The following GASK1A variants were observed in gnomAD, a reference collection of about 807,000 sequenced individuals.
The protein encoded by GASK1A is golgi associated kinase 1A, also known as Golgi-associated kinase 1A.
GASK1A carries 40 observed loss-of-function variants against 41.2 expected under a neutral mutation model. The ratio of observed to expected loss-of-function variants is 0.97; its 90% confidence interval spans 0.75 to 1.27. The LOEUF is 1.27. Ranked by LOEUF, GASK1A falls within the 50% of genes most tolerant of loss-of-function variation. The pLI, the probability that GASK1A is intolerant of heterozygous loss-of-function variation, is 0.00. For synonymous variants in GASK1A, 316 were observed against 307.1 expected, an observed-to-expected ratio of 1.03 and a Z score of -0.30; for missense variants, 678 against 745.1, an observed-to-expected ratio of 0.91 and a Z score of 1.05.
At position 42,989,420 on chromosome 3, in the gene GASK1A, A is replaced by G. The variant is rs559931517; in HGVS notation, c.3+9775A>G. Among the ~76,000 whole-genome samples, 59 of 152,212 alleles carry G rather than the reference A, an allele frequency of 3.9e-4. No individual in the cohort carries two copies. In the Middle Eastern group the frequency reaches 0.01, roughly 26 times the overall value. On this transcript the variant is annotated intron_variant, in intron 1 of 4. Transcript: ENST00000430121. Reference sequence around the variant, plus strand: ...TTTCTTTTTGGTGAATGTAGAGTTGAGGTAGGATTCTTAGAAACTTGTTCT... The same window carrying G: ...TTTCTTTTTGGTGAATGTAGAGTTGGGGTAGGATTCTTAGAAACTTGTTCT...
rs1415428575 is a variant in GASK1A, at chr3:42,984,486, G to A, written c.3+4841G>A. 6.6e-6 allele frequency among the ~76,000 whole-genome samples: 1 copy of A among 152,120 alleles called. No homozygotes were observed. The highest frequency in any genetic ancestry group is 2.4e-5 in the African/African-American group (1 of 41,406). On this transcript the variant is annotated intron_variant, in intron 1 of 4. Coordinates refer to ENST00000430121, the MANE Select transcript of GASK1A (RefSeq NM_001129908.3). The surrounding 1 kb of genome is among the most constrained non-coding windows in gnomAD (Gnocchi z 4.2). ...CTGTGGCTCCAGAACTGCCAGCTGA[G>A]TGGAAGATGGAAGGTGCTTTATAAT...
rs1465633356 is a variant in GASK1A, at chr3:43,032,930, G to A, written c.667G>A (p.Ala223Thr). 16 of 1,551,116 alleles carry A rather than the reference G, an allele frequency of 1.0e-5. No individual in the cohort carries two copies. The East Asian group carries it at 3.9e-4, about 38-fold the overall frequency. ...GGQQAEDPTL[A>T]SGAHQWPGSV... is the part of the protein sequence containing the mutation. ...GCAACAAGCAGAGGATCCCACCTTG[G>A]CCTCAGGAGCTCATCAGTGGCCTGG... Residue 223 changes from alanine to threonine, a missense_variant, in exon 2 of 5, where the codon GCC becomes ACC. Physicochemically the swap from Ala to Thr is moderately conservative, Grantham distance 58. Coordinates refer to ENST00000430121, the MANE Select transcript of GASK1A (RefSeq NM_001129908.3).
At chr3:43,033,622 T>C in intron 2 of GASK1A, 69 bp downstream of exon 2, 2 of 1,380,294 alleles carry the variant, frequency 1.4e-6, no homozygotes, top group Non-Finnish European at 1.9e-6. Flanking sequence ...GAGGCCTGAA[T>C]TGCCCACCTG....
At chr3:42,988,634 G>A (rs1370325743) in intron 1 of GASK1A, among the ~76,000 whole-genome samples, 1 of 152,250 alleles carries the variant, frequency 6.6e-6, no homozygotes, top group East Asian at 1.9e-4. Context: ...CCAGGCAGGT[G>A]CCCCTTTCAG....
chr3:42,984,476 T>G lies in GASK1A; in HGVS notation c.3+4831T>G, dbSNP rs186228023. 1.3e-3 allele frequency among the ~76,000 whole-genome samples: 201 copies of G among 152,210 alleles called. No individual in the cohort carries two copies. The highest frequency in any genetic ancestry group is 2.0e-3 in the Non-Finnish European group (137 of 68,010). ...AGAGTCCAGCCTGTGGCTCCAGAACTGCCAGCTGAGTGGAAGATGGAAGGT... is the reference window on the plus strand; with the variant it reads ...AGAGTCCAGCCTGTGGCTCCAGAACGGCCAGCTGAGTGGAAGATGGAAGGT... On this transcript the variant is annotated intron_variant, in intron 1 of 4. Coordinates refer to ENST00000430121, the MANE Select transcript of GASK1A (RefSeq NM_001129908.3). The surrounding 1 kb of genome is among the most constrained non-coding windows in gnomAD (Gnocchi z 4.2).
chr3:42,979,498 A>G lies in GASK1A; in HGVS notation c.-145A>G. 1.2e-6 allele frequency: 1 copy of G among 859,632 alleles called. No homozygotes were observed. The highest frequency in any genetic ancestry group is 1.5e-6 in the Non-Finnish European group (1 of 647,454). The allele number at this position is 859,632 out of a possible 1,614,324, so 53.3% of individuals were successfully genotyped here. On this transcript the variant is annotated 5_prime_UTR_variant, in exon 1 of 5. Transcript: ENST00000430121. ...GGCTGCAGAGAACGTGTGCACCTTC[A>G]GTCCGGGAAACCCGCCCCAGCCGAG...
chr3:42,990,662 G>A (rs962122390), intron 1 of GASK1A, among the ~76,000 whole-genome samples: 1 of 152,220 alleles, frequency 6.6e-6, no homozygotes, highest in South Asian at 2.1e-4. Flanking sequence ...GTCATTGACT[G>A]CATCCCAGGT....
intron 1 of GASK1A, among the ~76,000 whole-genome samples, chr3:43,003,492 CAAAA>C (rs34122767): frequency 5.2e-5 from 5 of 95,516 alleles, no homozygotes; most frequent in Admixed American, 1.1e-4. Flanking sequence ...GAGACTGTCT[CAAAA>C]AAAAAAAAAA....
At chr3:43,009,533 GA>G (rs2089453209) in intron 1 of GASK1A, among the ~76,000 whole-genome samples, 1 of 152,226 alleles carries the variant, frequency 6.6e-6, no homozygotes, top group African/African-American at 2.4e-5. Flanking sequence ...CTGGAGGCCA[GA>G]GTTGGAATCT....
At position 42,999,591 on chromosome 3, in the gene GASK1A, C is replaced by G. The variant is rs186007919; in HGVS notation, c.3+19946C>G. Among the ~76,000 whole-genome samples the G allele has an allele frequency of 3.9e-5, 6 of 152,336 alleles. No individual in the cohort carries two copies. In the East Asian group the frequency reaches 1.2e-3, roughly 29 times the overall value. On this transcript the variant is annotated intron_variant, in intron 1 of 4. Transcript: ENST00000430121. Reference sequence around the variant, plus strand: ...GGCCCCCCTTGTTGCCCAGGGACTCCTACAGTAGAAAGGCATCTTAAAGAG... The same window carrying G: ...GGCCCCCCTTGTTGCCCAGGGACTCGTACAGTAGAAAGGCATCTTAAAGAG...
At chr3:43,028,673 A>G (rs983176670) in intron 1 of GASK1A, among the ~76,000 whole-genome samples, 1 of 152,186 alleles carries the variant, frequency 6.6e-6, no homozygotes, top group Non-Finnish European at 1.5e-5. Flanking sequence ...GTTCTGTCCC[A>G]TCTCTGGTAA....
intron 1 of GASK1A, among the ~76,000 whole-genome samples, chr3:43,001,927 G>A (rs563130173): frequency 3.9e-5 from 6 of 152,300 alleles, no homozygotes; most frequent in African/African-American, 1.4e-4. Flanking sequence ...CCCACCCGCA[G>A]TTGTGGCTCC....
chr3:42,998,028 T>C (rs1393111033), intron 1 of GASK1A, among the ~76,000 whole-genome samples: 1 of 152,100 alleles, frequency 6.6e-6, no homozygotes, highest in African/African-American at 2.4e-5. Flanking sequence ...CTGTCTGCCA[T>C]AGGTTGAGGG....
At chr3:43,005,633 C>T (rs2089432196) in intron 1 of GASK1A, among the ~76,000 whole-genome samples, 1 of 152,006 alleles carries the variant, frequency 6.6e-6, no homozygotes, top group Non-Finnish European at 1.5e-5. Context: ...TGGAGTGTGA[C>T]AAAGAGACGC....
chr3:43,013,099 G>A (rs1334864308), intron 1 of GASK1A, among the ~76,000 whole-genome samples: 2 of 150,578 alleles, frequency 1.3e-5, no homozygotes, highest in African/African-American at 4.9e-5. Context: ...GCAGTGGAAA[G>A]TCACAAGAAG....
chr3:43,047,573 G>T (rs1472994085), intron 2 of GASK1A, among the ~76,000 whole-genome samples: 1 of 152,120 alleles, frequency 6.6e-6, no homozygotes, highest in Non-Finnish European at 1.5e-5. Context: ...ATTGCTATTG[G>T]CCTCTTAATT....
chr3:43,031,437 C>T (rs2089575337), intron 1 of GASK1A, among the ~76,000 whole-genome samples: 5 of 152,128 alleles, frequency 3.3e-5, no homozygotes, highest in Admixed American at 3.3e-4. Context: ...GGTGTGGGGC[C>T]CTGAGAATTT....
intron 2 of GASK1A, among the ~76,000 whole-genome samples, chr3:43,043,404 A>C (rs1288711254): frequency 6.6e-6 from 1 of 152,084 alleles, no homozygotes; most frequent in Non-Finnish European, 1.5e-5. Context: ...TCCCATCCAG[A>C]TGTCCTGTTT....
intron 1 of GASK1A, among the ~76,000 whole-genome samples, chr3:42,988,275 C>A (rs2089322749): frequency 6.6e-6 from 1 of 152,154 alleles, no homozygotes; most frequent in Non-Finnish European, 1.5e-5. Context: ...GGGGCTGTAT[C>A]ACATGCTGTT....
Sources: allele counts gnomAD v4.1 joint callset (sites outside exome capture counted in the v4.1 genomes callset), GRCh38; gene constraint gnomAD v4.1.1; non-coding constraint Gnocchi (gnomAD v3.1); transcripts MANE v1.5; gene names NCBI Gene and HGNC (gene_info 2026-07-23, HGNC 2026-07-21).